DISC1: variants seen among roughly 807,000 people sequenced by gnomAD.
DISC1 encodes the protein DISC1 scaffold protein, also known as disrupted in schizophrenia 1 protein.
DISC1 carries 57 observed loss-of-function variants against 84.5 expected under a neutral mutation model. The observed-to-expected ratio is 0.67, with a 90% confidence interval of 0.55 to 0.84. The LOEUF (loss-of-function observed/expected upper bound fraction) is 0.84, where lower values mean the gene tolerates loss of function less well. DISC1 is among the 40% of genes least tolerant of loss of function. The pLI, the probability that DISC1 is intolerant of heterozygous loss-of-function variation, is 0.00. For missense variants in DISC1, 1,000 were observed against 1,057.8 expected (o/e 0.95, Z 0.76); for synonymous variants, 411 against 415.2 (o/e 0.99, Z 0.12).
chr1:231,739,281 A>G (rs1368073584), intron 3 of DISC1, among the ~76,000 whole-genome samples: 1 of 152,154 alleles, frequency 6.6e-6, no homozygotes, highest in Non-Finnish European at 1.5e-5. Context: ...TTATATGAAC[A>G]TTCTCCAATA....
chr1:231,692,034 T>A (rs2125641541), intron 1 of DISC1, among the ~76,000 whole-genome samples: 1 of 152,352 alleles, frequency 6.6e-6, no homozygotes, highest in East Asian at 1.9e-4. Context: ...CTGATATACT[T>A]GTAGGCAAAG....
At chr1:231,996,522 T>G (rs1665981827) in intron 10 of DISC1, among the ~76,000 whole-genome samples, 1 of 152,198 alleles carries the variant, frequency 6.6e-6, no homozygotes, top group East Asian at 1.9e-4. Flanking sequence ...AAAATACTAA[T>G]GCCCTTTAAG....
At chr1:231,744,794 C>CTA (rs1184826552) in intron 3 of DISC1, among the ~76,000 whole-genome samples, 1 of 152,096 alleles carries the variant, frequency 6.6e-6, no homozygotes, top group African/African-American at 2.4e-5. Context: ...ATCTATCTAT[C>CTA]TATTCTTTTA....
intron 3 of DISC1, among the ~76,000 whole-genome samples, chr1:231,745,676 C>T (rs60513862): frequency 0.019 from 2,835 of 152,224 alleles, 42 homozygotes; most frequent in Middle Eastern, 0.048. Context: ...TAACTTTTAA[C>T]AAATCTCTCC....
chr1:231,817,960 C>T (rs2081189433), intron 8 of DISC1, among the ~76,000 whole-genome samples: 1 of 152,166 alleles, frequency 6.6e-6, no homozygotes, highest in Non-Finnish European at 1.5e-5. Flanking sequence ...CCCTTCCACA[C>T]TGCTATAATA....
At chr1:231,970,434 AAAG>A (rs780089469) in intron 10 of DISC1, among the ~76,000 whole-genome samples, 20 of 152,302 alleles carry the variant, frequency 1.3e-4, no homozygotes, top group Admixed American at 3.9e-4. Flanking sequence ...CATGGACAGA[AAAG>A]AAGAAGAAGG....
chr1:231,705,715 A>G (rs996070689), intron 3 of DISC1, among the ~76,000 whole-genome samples: 1 of 152,190 alleles, frequency 6.6e-6, no homozygotes, highest in African/African-American at 2.4e-5. Context: ...TTTGAATACA[A>G]TTTCTTCTCT....
chr1:231,636,977 C>G (rs1350671265), intron 1 of DISC1, among the ~76,000 whole-genome samples: 2 of 152,212 alleles, frequency 1.3e-5, no homozygotes, highest in Admixed American at 6.5e-5. Context: ...CCAGCAGGCC[C>G]TGGTATGTGA....
chr1:231,767,840 C>T (rs1024184504), intron 5 of DISC1, among the ~76,000 whole-genome samples: 1 of 152,206 alleles, frequency 6.6e-6, no homozygotes, highest in Non-Finnish European at 1.5e-5. Context: ...GGCCAATTTG[C>T]CACTTCTTAT....
chr1:231,998,689 G>A (rs977022985), intron 10 of DISC1, among the ~76,000 whole-genome samples: 24 of 152,292 alleles, frequency 1.6e-4, no homozygotes, highest in African/African-American at 5.5e-4. Flanking sequence ...CAAGCTTCTT[G>A]GGAATATTCT....
chr1:232,034,906 AAAAG>A (rs1350516696), intron 12 of DISC1, among the ~76,000 whole-genome samples: 7 of 151,996 alleles, frequency 4.6e-5, no homozygotes, highest in Admixed American at 4.6e-4. Flanking sequence ...TTAAAAAAAA[AAAAG>A]AAAGAAAGGT....
At chr1:232,016,370 C>G (rs537386249) in intron 11 of DISC1, among the ~76,000 whole-genome samples, 2 of 152,232 alleles carry the variant, frequency 1.3e-5, no homozygotes, top group South Asian at 4.1e-4. Context: ...TACAAAAGGG[C>G]CTTAGGGTTG....
rs540062383 is a variant in DISC1 at position 231,834,474 on chromosome 1, T to C, written c.1981+15957T>C. 3.3e-5 allele frequency among the ~76,000 whole-genome samples: 5 copies of C among 152,320 alleles called. No homozygotes were observed. In the South Asian group the frequency reaches 1.0e-3, roughly 32 times the overall value. ...TGGACGTCAGGCATCTCAGACCGTT[T>C]GCCCATTTTATGACAAGAATTATTT... On this transcript the variant is annotated intron_variant, in intron 9 of 12. Transcript: ENST00000439617.
intron 9 of DISC1, among the ~76,000 whole-genome samples, chr1:231,829,756 A>C (rs2082099962): frequency 6.6e-6 from 1 of 152,000 alleles, no homozygotes; most frequent in South Asian, 2.1e-4. Context: ...AGGCAGGCTG[A>C]GTCTGAAAAG....
At chr1:232,017,361 T>C (rs571139709) in intron 11 of DISC1, among the ~76,000 whole-genome samples, 1 of 152,300 alleles carries the variant, frequency 6.6e-6, no homozygotes, top group African/African-American at 2.4e-5. Context: ...TAAGCATGTA[T>C]GTGTGCTGTG....
At chr1:231,853,608 T>A (rs1183430847) in intron 9 of DISC1, among the ~76,000 whole-genome samples, 5 of 152,252 alleles carry the variant, frequency 3.3e-5, no homozygotes, top group Non-Finnish European at 5.9e-5. Context: ...GCATTAAAGT[T>A]CTTCCGAACT....
At chr1:231,637,028 C>CT (rs1190719608) in intron 1 of DISC1, among the ~76,000 whole-genome samples, 5 of 152,104 alleles carry the variant, frequency 3.3e-5, no homozygotes, top group Non-Finnish European at 7.3e-5. Context: ...TTGTTCAATT[C>CT]CCACTTATGA....
At chr1:231,870,487 C>T (rs533063252) in intron 9 of DISC1, among the ~76,000 whole-genome samples, 5 of 152,348 alleles carry the variant, frequency 3.3e-5, no homozygotes, top group African/African-American at 9.6e-5. Flanking sequence ...CTGTGACCTA[C>T]GTCTCTGAGC....
intron 9 of DISC1, among the ~76,000 whole-genome samples, chr1:231,836,292 A>G (rs541704282): frequency 9.2e-5 from 14 of 152,238 alleles, no homozygotes; most frequent in African/African-American, 3.1e-4. Flanking sequence ...TTCATAGGTG[A>G]ACGGATAGTG....
Sources: allele counts gnomAD v4.1 joint callset (sites outside exome capture counted in the v4.1 genomes callset), GRCh38; gene constraint gnomAD v4.1.1; transcripts MANE v1.5; gene names NCBI Gene and HGNC (gene_info 2026-07-23, HGNC 2026-07-21).